Variants in GPC6 observed in about 807,000 individuals in gnomAD.
The protein encoded by GPC6 is glypican-6.
A neutral mutation model predicts 55.2 loss-of-function variants in GPC6; 14 were observed. That is an observed-to-expected ratio of 0.25 (90% CI 0.17 to 0.40). The LOEUF (loss-of-function observed/expected upper bound fraction) is 0.40, where lower values mean the gene tolerates loss of function less well. GPC6 is among the 10% of genes least tolerant of loss of function. GPC6 has a pLI of 1.00. For synonymous variants in GPC6, 278 were observed against 259.6 expected (o/e 1.07, Z -0.68); for missense variants, 641 against 708.5 (o/e 0.90, Z 1.08).
chr13:93,603,503 A>G (rs1878110101), intron 2 of GPC6, among the ~76,000 whole-genome samples: 1 of 152,240 alleles, frequency 6.6e-6, no homozygotes, highest in African/African-American at 2.4e-5. Flanking sequence ...ATATTTAACT[A>G]CATAGGTATT....
chr13:93,328,007 A>G (rs1879716280), intron 1 of GPC6, among the ~76,000 whole-genome samples: 1 of 152,056 alleles, frequency 6.6e-6, no homozygotes, highest in South Asian at 2.1e-4. Context: ...CTTTAAAAAA[A>G]TGGCCATTTT....
At chr13:93,760,101 A>G (rs1484920120) in intron 2 of GPC6, among the ~76,000 whole-genome samples, 1 of 152,176 alleles carries the variant, frequency 6.6e-6, no homozygotes, top group African/African-American at 2.4e-5. Context: ...AGTGTCATAC[A>G]GGTATTAATG....
chr13:93,831,776 G>A (rs1395803689), intron 3 of GPC6, among the ~76,000 whole-genome samples: 1 of 151,688 alleles, frequency 6.6e-6, no homozygotes, highest in Non-Finnish European at 1.5e-5. Flanking sequence ...CAATATAAAG[G>A]GCATATGATT....
intron 4 of GPC6, among the ~76,000 whole-genome samples, chr13:94,176,775 T>C (rs1888790488): frequency 6.6e-6 from 1 of 152,152 alleles, no homozygotes; most frequent in Non-Finnish European, 1.5e-5. Context: ...GAAATAAATG[T>C]TTCCTCAGAA....
chr13:94,381,004 G>A (rs982029754), intron 6 of GPC6, among the ~76,000 whole-genome samples: 1 of 152,014 alleles, frequency 6.6e-6, no homozygotes. Context: ...ATAAATTTGG[G>A]GCTGCCTAAG....
chr13:94,021,279 T>TAC (rs1482018972), intron 3 of GPC6, among the ~76,000 whole-genome samples: 5 of 151,354 alleles, frequency 3.3e-5, no homozygotes, highest in African/African-American at 1.2e-4. Flanking sequence ...TATATATATA[T>TAC]ACTTTTAACT....
rs187925155 is a variant in GPC6 at position 93,657,707 on chromosome 13, C to T, written c.319+112286C>T. On this transcript the variant is annotated intron_variant, in intron 2 of 8. Transcript: ENST00000377047. ...AAATATTTGCACACAATGCACAAAA[C>T]AAAGGTCTAATATCCAGAATATATA... Among the ~76,000 whole-genome samples the T allele has an allele frequency of 3.6e-3, 543 of 151,988 alleles. 2 individuals carry two copies. Among genetic ancestry groups the T allele is most frequent in the Non-Finnish European group, 5.5e-3 (373 of 67,904 alleles).
intron 3 of GPC6, among the ~76,000 whole-genome samples, chr13:93,915,513 A>G (rs955031729): frequency 4.6e-5 from 7 of 152,220 alleles, no homozygotes; most frequent in South Asian, 2.1e-4. Flanking sequence ...AAACAGTGCA[A>G]TGAAACTCAT....
rs911212087 is a variant in GPC6 at position 94,407,849 on chromosome 13, T to C, written c.*4632T>C. On this transcript the variant is annotated 3_prime_UTR_variant, in exon 9 of 9. Coordinates refer to ENST00000377047, the MANE Select transcript of GPC6 (RefSeq NM_005708.5). The stretch of plus-strand genomic sequence containing the variant: ...ACCTGCTAAAGATTTATTTCACAAA[T>C]GCTTATTGAACTCTTATTCTCTATA... Among the ~76,000 whole-genome samples the C allele has an allele frequency of 2.0e-5, 3 of 152,200 alleles. No homozygotes were observed. The highest frequency in any genetic ancestry group is 7.2e-5 in the African/African-American group (3 of 41,462).
intron 1 of GPC6, among the ~76,000 whole-genome samples, chr13:93,468,503 G>T (rs535667092): frequency 8.0e-6 from 1 of 125,662 alleles, no homozygotes; most frequent in South Asian, 2.5e-4. Context: ...CTGGGGACTG[G>T]AGTTTAAAAG....
rs367561725 is a variant in GPC6, at chr13:94,027,724, T to C, written c.712-5T>C. 5.5e-5 allele frequency: 88 copies of C among 1,613,652 alleles called. No individual in the cohort carries two copies. Among genetic ancestry groups the C allele is most frequent in the Middle Eastern group, 4.9e-4 (3 of 6,084 alleles). Reference sequence around the variant, plus strand: ...ATTTTCTTTTTCTTTGCAATAAATCTGCAGGTCAGCCCAACCCCAGGGTGT... The same window carrying C: ...ATTTTCTTTTTCTTTGCAATAAATCCGCAGGTCAGCCCAACCCCAGGGTGT... On this transcript the variant is annotated splice_polypyrimidine_tract_variant and splice_region_variant and intron_variant, in intron 3 of 8. Coordinates refer to ENST00000377047, the MANE Select transcript of GPC6 (RefSeq NM_005708.5).
intron 4 of GPC6, among the ~76,000 whole-genome samples, chr13:94,210,662 A>G (rs1426041477): frequency 6.6e-6 from 1 of 152,218 alleles, no homozygotes; most frequent in Non-Finnish European, 1.5e-5. Flanking sequence ...ATAACCACCA[A>G]TAGTACAAAG....
intron 1 of GPC6, among the ~76,000 whole-genome samples, chr13:93,257,857 T>C (rs1306212078): frequency 6.6e-6 from 1 of 152,204 alleles, no homozygotes; most frequent in Non-Finnish European, 1.5e-5. Flanking sequence ...TCTCAAATCA[T>C]TGAGCTACAT....
At chr13:93,402,292 C>T (rs2813609) in intron 1 of GPC6, among the ~76,000 whole-genome samples, 16,382 of 152,130 alleles carry the variant, frequency 0.11, 978 homozygotes, top group South Asian at 0.12. Context: ...TCTCCAAGTG[C>T]CGAGCCAACT....
intron 3 of GPC6, among the ~76,000 whole-genome samples, chr13:93,940,691 A>T (rs1215372126): frequency 6.6e-6 from 1 of 152,224 alleles, no homozygotes; most frequent in African/African-American, 2.4e-5. Flanking sequence ...AAGTATACTT[A>T]TGAGACAAAG....
At chr13:94,243,264 C>G (rs1374625354) in intron 4 of GPC6, among the ~76,000 whole-genome samples, 2 of 152,050 alleles carry the variant, frequency 1.3e-5, no homozygotes, top group Non-Finnish European at 2.9e-5. Flanking sequence ...TTTCAACAGG[C>G]CTTACATCTA....
intron 2 of GPC6, among the ~76,000 whole-genome samples, chr13:93,692,292 G>A (rs1245276610): frequency 6.6e-6 from 1 of 152,032 alleles, no homozygotes; most frequent in African/African-American, 2.4e-5. Context: ...GAAATTTCAT[G>A]TTCAGTCAAA....
intron 3 of GPC6, among the ~76,000 whole-genome samples, chr13:93,937,770 G>A (rs1878510775): frequency 1.3e-5 from 2 of 151,902 alleles, no homozygotes; most frequent in Admixed American, 1.3e-4. Flanking sequence ...GTAGAGATGG[G>A]GTTTCACCAT....
At chr13:93,236,256 A>T (rs957404231) in intron 1 of GPC6, among the ~76,000 whole-genome samples, 2 of 152,184 alleles carry the variant, frequency 1.3e-5, no homozygotes, top group Non-Finnish European at 2.9e-5. Flanking sequence ...CAATAGCTTT[A>T]GGAGTACAAG....
Sources: gnomAD v4.1 joint callset for allele counts (sites outside exome capture counted in the v4.1 genomes callset) on GRCh38, gnomAD v4.1.1 for gene constraint, MANE v1.5 for transcripts, NCBI Gene and HGNC (gene_info 2026-07-23, HGNC 2026-07-21) for gene names.